MACROD2: variants seen among roughly 807,000 people sequenced by gnomAD.
MACROD2 encodes the protein ADP-ribose glycohydrolase MACROD2.
MACROD2 carries 36 observed loss-of-function variants against 70.4 expected under a neutral mutation model. The ratio of observed to expected loss-of-function variants is 0.51; its 90% confidence interval spans 0.39 to 0.68. MACROD2 has a LOEUF of 0.68. Ranked by LOEUF, MACROD2 falls within the 30% of genes least tolerant of loss-of-function variation. The probability of loss-of-function intolerance (pLI) is 0.00; values close to 1 mark genes in which losing one functional copy is unlikely to be tolerated. For synonymous variants in MACROD2, 172 were observed against 178.8 expected (o/e 0.96, Z 0.30); for missense variants, 496 against 538.4 (o/e 0.92, Z 0.78).
chr20:15,090,658 A>G (rs1241168634), intron 5 of MACROD2, among the ~76,000 whole-genome samples: 1 of 152,074 alleles, frequency 6.6e-6, no homozygotes, highest in Non-Finnish European at 1.5e-5. Context: ...GAGTGGGCAA[A>G]CTCAGGAGAG....
chr20:14,573,133 G>A (rs1466033332), intron 4 of MACROD2, among the ~76,000 whole-genome samples: 1 of 151,970 alleles, frequency 6.6e-6, no homozygotes, highest in Non-Finnish European at 1.5e-5. Context: ...TCAGGATTTG[G>A]TATCATTAGA....
At chr20:14,451,449 C>T (rs1317993758) in intron 3 of MACROD2, among the ~76,000 whole-genome samples, 4 of 151,834 alleles carry the variant, frequency 2.6e-5, no homozygotes, top group Non-Finnish European at 1.5e-5. Context: ...TGTGTCTCGA[C>T]AAAAAAACAA....
intron 4 of MACROD2, among the ~76,000 whole-genome samples, chr20:14,671,550 A>G (rs915490154): frequency 2.0e-5 from 3 of 152,144 alleles, no homozygotes. Flanking sequence ...CTTGGTTTTT[A>G]AAGATCAGTC....
intron 6 of MACROD2, among the ~76,000 whole-genome samples, chr20:15,401,282 C>T (rs7273402): frequency 1.3e-5 from 2 of 152,292 alleles, no homozygotes; most frequent in African/African-American, 2.4e-5. Flanking sequence ...TTGTGATCCG[C>T]CCGCCTCGGC....
chr20:15,684,284 C>T (rs551212347), intron 8 of MACROD2, among the ~76,000 whole-genome samples: 14 of 152,236 alleles, frequency 9.2e-5, no homozygotes, highest in Non-Finnish European at 1.5e-4. Flanking sequence ...AGGGATCAGC[C>T]GGGTCTAGAG....
At chr20:15,180,488 T>C (rs993195901) in intron 5 of MACROD2, among the ~76,000 whole-genome samples, 3 of 152,208 alleles carry the variant, frequency 2.0e-5, no homozygotes, top group Admixed American at 2.0e-4. Context: ...ATTTCAGAAA[T>C]GAATTCCCCT....
At chr20:14,462,639 C>G (rs6079453) in intron 3 of MACROD2, among the ~76,000 whole-genome samples, 43,561 of 151,808 alleles carry the variant, frequency 0.29, 6,372 homozygotes, top group Admixed American at 0.32. Context: ...TATTGCCTAG[C>G]TTTTCTTCTA....
intron 5 of MACROD2, among the ~76,000 whole-genome samples, chr20:14,834,462 G>T (rs940800458): frequency 6.6e-6 from 1 of 151,882 alleles, no homozygotes; most frequent in Admixed American, 6.6e-5. Context: ...ATCCGTAGTG[G>T]TATAAATCAG....
chr20:14,258,303 A>T (rs2082074095), intron 3 of MACROD2, among the ~76,000 whole-genome samples: 2 of 152,252 alleles, frequency 1.3e-5, no homozygotes, highest in African/African-American at 4.8e-5. Flanking sequence ...TTCTTTAAAG[A>T]ATCTCCATAC....
rs973668883 is a variant in MACROD2, at chr20:14,274,382, G to C, written c.271+188654G>C. On this transcript the variant is annotated intron_variant, in intron 3 of 17. Coordinates refer to ENST00000684519, the MANE Select transcript of MACROD2 (RefSeq NM_001351661.2). ...ATGTAATCCAGCATATAAACAGAAC[G>C]AAAGACAAAAACCACATGATTATCT... Among the ~76,000 whole-genome samples, 35 of 152,144 alleles carry C rather than the reference G, an allele frequency of 2.3e-4. 1 individual carries two copies. Among genetic ancestry groups the C allele is most frequent in the East Asian group, 1.9e-3 (10 of 5,158 alleles).
chr20:14,979,040 C>T (rs1356275774), intron 5 of MACROD2, among the ~76,000 whole-genome samples: 1 of 150,386 alleles, frequency 6.6e-6, no homozygotes, highest in African/African-American at 2.4e-5. Flanking sequence ...CAACCTCGGA[C>T]TCCTGGGCTC....
intron 6 of MACROD2, among the ~76,000 whole-genome samples, chr20:15,376,324 G>A (rs748120090): frequency 6.6e-6 from 1 of 152,134 alleles, no homozygotes; most frequent in African/African-American, 2.4e-5. Context: ...GTTGGATACA[G>A]AGAGAACTTG....
intron 7 of MACROD2, among the ~76,000 whole-genome samples, chr20:15,445,390 TC>T (rs1442866740): frequency 1.3e-4 from 20 of 152,226 alleles, no homozygotes; most frequent in African/African-American, 4.8e-4. Context: ...CTCCCTAAAA[TC>T]TAACTAAGTC....
chr20:14,556,121 C>T (rs1188420702), intron 4 of MACROD2, among the ~76,000 whole-genome samples: 2 of 151,990 alleles, frequency 1.3e-5, no homozygotes, highest in African/African-American at 4.8e-5. Context: ...TAGTCAAACC[C>T]TCTAAGATAT....
At chr20:14,186,605 C>T (rs1031953121) in intron 3 of MACROD2, among the ~76,000 whole-genome samples, 1 of 152,136 alleles carries the variant, frequency 6.6e-6, no homozygotes, top group African/African-American at 2.4e-5. Flanking sequence ...GGTATATACC[C>T]AAACGAAACT....
At chr20:15,737,643 A>G (rs2051042882) in intron 8 of MACROD2, among the ~76,000 whole-genome samples, 1 of 152,240 alleles carries the variant, frequency 6.6e-6, no homozygotes, top group Non-Finnish European at 1.5e-5. Flanking sequence ...TGCTATGAAT[A>G]TAGTTCTAAA....
chr20:14,270,243 G>A (rs887062075), intron 3 of MACROD2, among the ~76,000 whole-genome samples: 5 of 151,256 alleles, frequency 3.3e-5, no homozygotes, highest in East Asian at 1.9e-4. Flanking sequence ...GTCTACATAC[G>A]TGTGTGTGTG....
intron 3 of MACROD2, among the ~76,000 whole-genome samples, chr20:14,194,994 A>G (rs549686053): frequency 1.4e-4 from 21 of 152,320 alleles, no homozygotes; most frequent in African/African-American, 4.8e-4. Flanking sequence ...CTAGTCTGCA[A>G]TGAAGTGGTA....
intron 5 of MACROD2, among the ~76,000 whole-genome samples, chr20:14,937,927 AT>A (rs1228394898): frequency 6.7e-6 from 1 of 149,990 alleles, no homozygotes; most frequent in Non-Finnish European, 1.5e-5. Flanking sequence ...TTGATGTGAT[AT>A]TTGTCTTTCT....
Sources: allele counts gnomAD v4.1 joint callset (sites outside exome capture counted in the v4.1 genomes callset), GRCh38; gene constraint gnomAD v4.1.1; transcripts MANE v1.5; gene names NCBI Gene and HGNC (gene_info 2026-07-23, HGNC 2026-07-21).